Variants in MNAT1 observed in about 807,000 individuals in gnomAD.
The protein encoded by MNAT1 is CDK-activating kinase assembly factor MAT1.
MNAT1 carries 43 observed loss-of-function variants against 42.0 expected under a neutral mutation model. The observed-to-expected ratio is 1.02, with a 90% CI of 0.80 to 1.32. MNAT1 has a LOEUF of 1.32. Among genes scored for constraint, MNAT1 ranks in the 40% most tolerant of loss-of-function variants. The pLI is 0.00. For missense variants in MNAT1, 306 were observed against 350.4 expected, an observed-to-expected ratio of 0.87 and a Z score of 1.01; for synonymous variants, 118 against 120.0, an observed-to-expected ratio of 0.98 and a Z score of 0.11.
chr14:60,921,726 C>T (rs769131809), intron 7 of MNAT1, among the ~76,000 whole-genome samples: 44 of 152,108 alleles, frequency 2.9e-4, no homozygotes, highest in Non-Finnish European at 3.5e-4. Flanking sequence ...ATTATTCTGA[C>T]GTGAAGGTAA....
chr14:60,883,195 G>T (rs2034589743), intron 7 of MNAT1, among the ~76,000 whole-genome samples: 1 of 152,058 alleles, frequency 6.6e-6, no homozygotes, highest in African/African-American at 2.4e-5. Context: ...TTTAATTTTA[G>T]TAGGTTAAAT....
intron 1 of MNAT1, among the ~76,000 whole-genome samples, chr14:60,795,825 T>C (rs1486714237): frequency 6.6e-6 from 1 of 152,184 alleles, no homozygotes; most frequent in Non-Finnish European, 1.5e-5. Context: ...TATATAGGGC[T>C]CTCTAAAGAG....
intron 7 of MNAT1, among the ~76,000 whole-genome samples, chr14:60,882,177 G>A (rs1594829589): frequency 6.6e-6 from 1 of 151,782 alleles, no homozygotes; most frequent in East Asian, 1.9e-4. Context: ...ACCAAAAACT[G>A]GTTCCTATTC....
chr14:60,904,910 T>C (rs866055376), intron 7 of MNAT1, among the ~76,000 whole-genome samples: 5 of 150,674 alleles, frequency 3.3e-5, no homozygotes, highest in African/African-American at 7.3e-5. Context: ...ATTGTCTCCA[T>C]TGGGAAATGA....
At chr14:60,886,531 G>C (rs2034675048) in intron 7 of MNAT1, among the ~76,000 whole-genome samples, 1 of 151,464 alleles carries the variant, frequency 6.6e-6, no homozygotes. Context: ...GTAATGTTTT[G>C]ATTACATTAC....
chr14:60,832,200 C>T (rs2033246313), intron 6 of MNAT1, among the ~76,000 whole-genome samples: 1 of 152,150 alleles, frequency 6.6e-6, no homozygotes, highest in African/African-American at 2.4e-5. Context: ...CCCAATTTGT[C>T]AGTTTTGGCT....
At chr14:60,962,968 A>T (rs888984980) in intron 7 of MNAT1, among the ~76,000 whole-genome samples, 6 of 151,728 alleles carry the variant, frequency 4.0e-5, no homozygotes, top group African/African-American at 1.5e-4. Context: ...GGACTTCATG[A>T]AGCCATATGT....
At chr14:60,957,306 T>TGG (rs1213307104) in intron 7 of MNAT1, among the ~76,000 whole-genome samples, 4 of 152,214 alleles carry the variant, frequency 2.6e-5, no homozygotes, top group Non-Finnish European at 5.9e-5. Flanking sequence ...TACCTGAGAC[T>TGG]GGGTAATTTA....
chr14:60,743,283 T>C (rs757087844), intron 1 of MNAT1, among the ~76,000 whole-genome samples: 13 of 150,526 alleles, frequency 8.6e-5, no homozygotes, highest in African/African-American at 2.9e-4. Flanking sequence ...TAAAGAACAT[T>C]CTTTAGCATT....
rs530805844 is a variant in MNAT1, at chr14:60,844,527, A to G, written c.687+25680A>G. On this transcript the variant is annotated intron_variant, in intron 6 of 7. Transcript: ENST00000261245. ...TCATTTTCTATTGCTTAATCCTGGT[A>G]TGTATATTTTTACATTGGGCTTGCG... is the stretch of plus-strand genomic sequence containing the variant. Among the ~76,000 whole-genome samples the G allele has an allele frequency of 2.6e-5, 4 of 152,150 alleles. No homozygotes were observed. In the South Asian group the frequency reaches 6.2e-4, roughly 24 times the overall value.
rs145047286 is a variant in MNAT1 at position 60,852,166 on chromosome 14, C to G, written c.688-27548C>G. ...CTCCTACCAACAGTGTAAAAGTGTT[C>G]CTATTTCTCCACATCCTCTGCAGCA... On this transcript the variant is annotated intron_variant, in intron 6 of 7. Transcript: ENST00000261245. Among the ~76,000 whole-genome samples, 5 of 152,268 alleles carry G rather than the reference C, an allele frequency of 3.3e-5. No individual in the cohort carries two copies. The East Asian group carries it at 9.7e-4, about 29-fold the overall frequency.
chr14:60,936,540 A>G (rs1034457015), intron 7 of MNAT1, among the ~76,000 whole-genome samples: 2 of 151,874 alleles, frequency 1.3e-5, no homozygotes, highest in African/African-American at 2.4e-5. Context: ...CCATGTCCCT[A>G]CAAAGGACAT....
At chr14:60,823,337 A>T (rs1013400020) in intron 6 of MNAT1, among the ~76,000 whole-genome samples, 1 of 152,154 alleles carries the variant, frequency 6.6e-6, no homozygotes, top group Non-Finnish European at 1.5e-5. Flanking sequence ...GGGAGGGGGA[A>T]TGTGTTGCAC....
chr14:60,855,479 T>A (rs2033933883), intron 6 of MNAT1, among the ~76,000 whole-genome samples: 1 of 152,178 alleles, frequency 6.6e-6, no homozygotes, highest in Non-Finnish European at 1.5e-5. Flanking sequence ...GATTTGCACA[T>A]TGCAAAAACC....
chr14:60,798,084 A>T lies in MNAT1; in HGVS notation c.243-3A>T. 7.5e-7 allele frequency: 1 copy of T among 1,332,972 alleles called. No homozygotes were observed. The highest frequency in any genetic ancestry group is 1.9e-5 in the Admixed American group (1 of 53,206). 82.6% of individuals were successfully genotyped at this position (1,332,972 alleles called of 1,614,324 possible). A position where few individuals can be genotyped will look rare whatever the true frequency, so the allele number is the denominator to read the frequency against. Reference sequence around the variant, plus strand: ...TGTAGATTTCTTTTTTCTTTTCTTAAAGATACAATAAAAGGGAAGAAGATT... The same window carrying T: ...TGTAGATTTCTTTTTTCTTTTCTTATAGATACAATAAAAGGGAAGAAGATT... On this transcript the variant is annotated splice_region_variant and splice_polypyrimidine_tract_variant and intron_variant, in intron 2 of 7. Coordinates refer to ENST00000261245, the MANE Select transcript of MNAT1 (RefSeq NM_002431.4).
Position 60,875,552 on chromosome 14 carries a change from C to G in MNAT1, c.688-4162C>G, listed in dbSNP as rs114240295. 7.7e-3 allele frequency among the ~76,000 whole-genome samples: 1,172 copies of G among 152,112 alleles called. 9 individuals are homozygous for G. The highest frequency in any genetic ancestry group is 0.027 in the African/African-American group (1,113 of 41,506). ...GTACCATTAATAGTACTTAATCGTA[C>G]TTTATTAAATAGTAACGTTTCATGA... On this transcript the variant is annotated intron_variant, in intron 6 of 7. Coordinates refer to ENST00000261245, the MANE Select transcript of MNAT1 (RefSeq NM_002431.4).
At chr14:60,872,529 T>C (rs2082339808) in intron 6 of MNAT1, among the ~76,000 whole-genome samples, 1 of 152,106 alleles carries the variant, frequency 6.6e-6, no homozygotes, top group South Asian at 2.1e-4. Flanking sequence ...TATTCTTTTT[T>C]CTCTTCCCCC....
intron 6 of MNAT1, among the ~76,000 whole-genome samples, chr14:60,851,139 A>G (rs370324748): frequency 8.3e-4 from 126 of 152,358 alleles, no homozygotes; most frequent in Non-Finnish European, 1.4e-3. Flanking sequence ...GTCATCAAGT[A>G]GAATTACTGG....
intron 7 of MNAT1, among the ~76,000 whole-genome samples, chr14:60,921,544 T>C (rs1475632320): frequency 6.6e-6 from 1 of 152,180 alleles, no homozygotes; most frequent in African/African-American, 2.4e-5. Flanking sequence ...CTCTTCCTCC[T>C]GCTTTGGAGT....
Sources: allele counts gnomAD v4.1 joint callset (sites outside exome capture counted in the v4.1 genomes callset), GRCh38; gene constraint gnomAD v4.1.1; transcripts MANE v1.5; gene names NCBI Gene and HGNC (gene_info 2026-07-23, HGNC 2026-07-21).